PRKN: variants seen among roughly 807,000 people sequenced by gnomAD.
The protein encoded by PRKN is E3 ubiquitin-protein ligase parkin.
PRKN carries 56 observed loss-of-function variants against 59.5 expected under a neutral mutation model. That is an observed-to-expected ratio of 0.94 (90% CI 0.76 to 1.18). PRKN has a LOEUF of 1.18. PRKN is among the 50% of genes most tolerant of loss of function. PRKN has a pLI of 0.00. For missense variants in PRKN, 657 were observed against 596.4 expected (o/e 1.10, Z -1.06); for synonymous variants, 250 against 222.1 (o/e 1.13, Z -1.12).
intron 1 of PRKN, among the ~76,000 whole-genome samples, chr6:162,654,872 A>G (rs1778583909): frequency 6.6e-6 from 1 of 152,112 alleles, no homozygotes; most frequent in African/African-American, 2.4e-5. Context: ...CTATAAAACC[A>G]TAAGGATTAT....
chr6:162,328,335 C>T (rs1303386649), intron 2 of PRKN, among the ~76,000 whole-genome samples: 2 of 152,164 alleles, frequency 1.3e-5, no homozygotes, highest in Non-Finnish European at 2.9e-5. Context: ...CACTGCACTG[C>T]AGCCTGGCAA....
intron 6 of PRKN, among the ~76,000 whole-genome samples, chr6:161,905,031 G>A (rs1185012963): frequency 6.6e-6 from 1 of 152,106 alleles, no homozygotes; most frequent in Non-Finnish European, 1.5e-5. Context: ...CTCCATCTGC[G>A]AAGTTTGGTC....
intron 6 of PRKN, among the ~76,000 whole-genome samples, chr6:161,932,158 ATAAT>A (rs1173147413): frequency 1.3e-5 from 2 of 152,104 alleles, no homozygotes; most frequent in Non-Finnish European, 2.9e-5. Context: ...CTCAGTTAAC[ATAAT>A]TAAGATTAAT....
intron 1 of PRKN, among the ~76,000 whole-genome samples, chr6:162,666,377 G>T (rs1779103926): frequency 7.3e-6 from 1 of 137,832 alleles, no homozygotes; most frequent in East Asian, 2.0e-4. Flanking sequence ...TTGGAAAACA[G>T]ATGTGAACTA....
intron 7 of PRKN, among the ~76,000 whole-genome samples, chr6:161,631,332 C>G (rs1783301320): frequency 6.6e-6 from 1 of 152,204 alleles, no homozygotes; most frequent in African/African-American, 2.4e-5. Context: ...CCAATAAGCT[C>G]TACAAGACCC....
At chr6:162,155,403 C>T (rs75816567) in intron 4 of PRKN, among the ~76,000 whole-genome samples, 2,731 of 152,262 alleles carry the variant, frequency 0.018, 80 homozygotes, top group African/African-American at 0.061. Flanking sequence ...CCTATCTACT[C>T]TCATCAGAGA....
chr6:162,320,381 AAAAC>A lies in PRKN; in HGVS notation c.172-57620_172-57617del, dbSNP rs1348327730. The stretch of plus-strand genomic sequence containing the variant: ...AAAAGCCAAAAAAAAAAAAAAAAAA[AAAAC>A]CAAGCATTTTAAGATCAAACAAGCA... On this transcript the variant is annotated intron_variant, in intron 2 of 11. Coordinates refer to ENST00000366898, the MANE Select transcript of PRKN (RefSeq NM_004562.3). 9.5e-3 allele frequency among the ~76,000 whole-genome samples: 1,230 copies of A among 129,502 alleles called. 21 individuals carry two copies. The highest frequency in any genetic ancestry group is 0.018 in the Middle Eastern group (4 of 224). The allele number at this position is 129,502 out of a possible 152,430, so 85.0% of individuals were successfully genotyped here. A position where few individuals can be genotyped will look rare whatever the true frequency, so the allele number is the denominator to read the frequency against.
intron 2 of PRKN, among the ~76,000 whole-genome samples, chr6:162,336,438 A>T (rs1485349345): frequency 9.9e-5 from 15 of 152,156 alleles, no homozygotes; most frequent in Admixed American, 9.8e-4. Flanking sequence ...AAAGCCACAC[A>T]TCTGCGGCAC....
At chr6:162,591,252 CT>C (rs1224504070) in intron 1 of PRKN, among the ~76,000 whole-genome samples, 4 of 151,728 alleles carry the variant, frequency 2.6e-5, no homozygotes, top group African/African-American at 9.7e-5. Context: ...CACATCAGAA[CT>C]TTGTTTTTCT....
intron 1 of PRKN, among the ~76,000 whole-genome samples, chr6:162,536,108 A>G (rs1778704309): frequency 6.6e-6 from 1 of 152,090 alleles, no homozygotes; most frequent in African/African-American, 2.4e-5. Flanking sequence ...TCTGCTTACA[A>G]CTTAAGGCCA....
At chr6:161,749,907 C>T (rs1788604288) in intron 7 of PRKN, among the ~76,000 whole-genome samples, 1 of 152,132 alleles carries the variant, frequency 6.6e-6, no homozygotes, top group Non-Finnish European at 1.5e-5. Context: ...AAAAACTCAA[C>T]AGATTTTATC....
chr6:162,364,511 A>G (rs1239851548), intron 2 of PRKN, among the ~76,000 whole-genome samples: 1 of 152,206 alleles, frequency 6.6e-6, no homozygotes, highest in African/African-American at 2.4e-5. Flanking sequence ...GAAAGAAAGT[A>G]TCTACTTGGC....
intron 4 of PRKN, among the ~76,000 whole-genome samples, chr6:162,129,566 T>C (rs1712048202): frequency 6.6e-6 from 1 of 152,138 alleles, no homozygotes; most frequent in Admixed American, 6.6e-5. Flanking sequence ...TAAGAAAAAC[T>C]TGGAACGTTC....
intron 4 of PRKN, among the ~76,000 whole-genome samples, chr6:162,168,154 G>A (rs1340852067): frequency 1.3e-5 from 2 of 152,050 alleles, no homozygotes; most frequent in Non-Finnish European, 2.9e-5. Flanking sequence ...TATTTTTGAT[G>A]GAACTGATAT....
Position 162,225,438 on chromosome 6 carries a change from C to G in PRKN, c.413-24186G>C, listed in dbSNP as rs546315853. Reference sequence around the variant, plus strand: ...ATTCAGGCTTACATGTTATTGTGGTCTATTTTTAAAGCTGAGAGATCGGGA... The same window carrying G: ...ATTCAGGCTTACATGTTATTGTGGTGTATTTTTAAAGCTGAGAGATCGGGA... On this transcript the variant is annotated intron_variant, in intron 3 of 11. Coordinates refer to ENST00000366898, the MANE Select transcript of PRKN (RefSeq NM_004562.3). Among the ~76,000 whole-genome samples, 5 of 152,280 alleles carry G rather than the reference C, an allele frequency of 3.3e-5. No homozygotes were observed. In the South Asian group the frequency reaches 1.0e-3, roughly 32 times the overall value.
chr6:162,064,649 T>C (rs1400909875), intron 4 of PRKN, among the ~76,000 whole-genome samples: 1 of 152,272 alleles, frequency 6.6e-6, no homozygotes, highest in Non-Finnish European at 1.5e-5. Flanking sequence ...ATAAATGTTT[T>C]ACCTAAACAT....
chr6:162,445,523 C>T (rs1477701197), intron 1 of PRKN, among the ~76,000 whole-genome samples: 2 of 151,506 alleles, frequency 1.3e-5, no homozygotes, highest in Non-Finnish European at 2.9e-5. Context: ...CCCATCTCTA[C>T]AAAAAATTTT....
intron 6 of PRKN, among the ~76,000 whole-genome samples, chr6:161,793,044 A>G (rs1258830402): frequency 6.6e-6 from 1 of 152,228 alleles, no homozygotes; most frequent in Non-Finnish European, 1.5e-5. Context: ...AATGCCAGAG[A>G]GAGCATTTCA....
chr6:162,187,188 C>T (rs925555547), intron 4 of PRKN, among the ~76,000 whole-genome samples: 6 of 152,084 alleles, frequency 3.9e-5, no homozygotes, highest in Non-Finnish European at 5.9e-5. Context: ...CAGAGAAAAT[C>T]GGGGTGGATA....
Sources: allele counts gnomAD v4.1 joint callset (sites outside exome capture counted in the v4.1 genomes callset), GRCh38; gene constraint gnomAD v4.1.1; transcripts MANE v1.5; gene names NCBI Gene and HGNC (gene_info 2026-07-23, HGNC 2026-07-21).